Variants in TSPAN15 observed in about 807,000 individuals in gnomAD.
The protein encoded by TSPAN15 is tetraspanin-15.
Under a neutral mutation model 34.5 loss-of-function variants are expected in TSPAN15, and 20 were observed. That is an observed-to-expected ratio of 0.58 (90% CI 0.41 to 0.84). The LOEUF (loss-of-function observed/expected upper bound fraction) is 0.84, where lower values mean the gene tolerates loss of function less well. TSPAN15 is among the 40% of genes least tolerant of loss of function. The pLI is 0.00. For missense variants in TSPAN15, 313 were observed against 386.1 expected (o/e 0.81, Z 1.59); for synonymous variants, 155 against 153.9 (o/e 1.01, Z -0.05).
intron 4 of TSPAN15, among the ~76,000 whole-genome samples, chr10:69,497,445 C>T (rs937614750): frequency 1.3e-5 from 2 of 152,176 alleles, no homozygotes; most frequent in African/African-American, 2.4e-5. Flanking sequence ...TGCGTGGGGC[C>T]TTTGCATGGG....
At chr10:69,489,198 C>T (rs7069412) in intron 3 of TSPAN15, among the ~76,000 whole-genome samples, 1,696 of 152,262 alleles carry the variant, frequency 0.011, 25 homozygotes, top group African/African-American at 0.033. Context: ...CTTGCATGTC[C>T]GTTTATAGGC....
Position 69,489,014 on chromosome 10 carries a change from A to G in TSPAN15, c.357+3799A>G, listed in dbSNP as rs577936248. Among the ~76,000 whole-genome samples the G allele has an allele frequency of 3.3e-5, 5 of 152,300 alleles. No homozygotes were observed. The South Asian group carries it at 8.3e-4, about 25-fold the overall frequency. On this transcript the variant is annotated intron_variant, in intron 3 of 7. Transcript: ENST00000373290. ...AAATTTACCAGGGTGGAGTTTCCCAATCCTGAGGGTACTGCAGGAGACCAG... is the reference window on the plus strand; with the variant it reads ...AAATTTACCAGGGTGGAGTTTCCCAGTCCTGAGGGTACTGCAGGAGACCAG...
At chr10:69,477,692 G>A (rs1354905595) in intron 1 of TSPAN15, among the ~76,000 whole-genome samples, 5 of 152,246 alleles carry the variant, frequency 3.3e-5, no homozygotes, top group East Asian at 1.9e-4. Context: ...CGCTATTGTC[G>A]GCTTTGTATT....
At chr10:69,488,611 T>A (rs1841904759) in intron 3 of TSPAN15, among the ~76,000 whole-genome samples, 1 of 152,052 alleles carries the variant, frequency 6.6e-6, no homozygotes, top group Non-Finnish European at 1.5e-5. Flanking sequence ...AAGAGAGGAA[T>A]TTTACAGCTG....
chr10:69,491,851 C>T lies in TSPAN15; in HGVS notation c.358-3743C>T, dbSNP rs3793838. Among the ~76,000 whole-genome samples, 1,008 of 152,278 alleles carry T rather than the reference C, an allele frequency of 6.6e-3. 11 individuals carry two copies. Among genetic ancestry groups the T allele is most frequent in the East Asian group, 0.021 (109 of 5,174 alleles). Reference sequence around the variant, plus strand: ...CCTGGTAGGAAGCTTTAGCGGCCGCCCCTTCCACTCCTTTTCCTACCCCTC... The same window carrying T: ...CCTGGTAGGAAGCTTTAGCGGCCGCTCCTTCCACTCCTTTTCCTACCCCTC... On this transcript the variant is annotated intron_variant, in intron 3 of 7. Transcript: ENST00000373290.
chr10:69,497,867 G>A (rs2133146201), intron 4 of TSPAN15, among the ~76,000 whole-genome samples: 1 of 152,284 alleles, frequency 6.6e-6, no homozygotes, highest in South Asian at 2.1e-4. Flanking sequence ...CCTAGGGTGG[G>A]TGCGAAGGTT....
intron 3 of TSPAN15, chr10:69,495,077 A>G (rs7094449): frequency 0.056 from 9,278 of 166,274 alleles, 316 homozygotes; most frequent in Middle Eastern, 0.069. Context: ...GACCCCACCC[A>G]GCCTGCTCTG....
chr10:69,452,482 C>G (rs933310688), intron 1 of TSPAN15, among the ~76,000 whole-genome samples: 4 of 152,180 alleles, frequency 2.6e-5, no homozygotes, highest in Admixed American at 2.6e-4. Context: ...TCATTCCTCT[C>G]GGCCATGGTT....
chr10:69,454,127 A>C (rs553069481), intron 1 of TSPAN15, among the ~76,000 whole-genome samples: 119 of 152,250 alleles, frequency 7.8e-4, no homozygotes, highest in Non-Finnish European at 1.2e-3. Context: ...TTGTAAGTCC[A>C]AACTGCTAGC....
chr10:69,506,141 T>A lies in TSPAN15; in HGVS notation c.636T>A (p.Asp212Glu). ...TIDKERFSVQ[D>E]VIYVRGCTNA... ...CCATGCAGCGTTTCAGTGTGCAGGATGTCATCTACGTGCGGGGCTGCACCA... is the reference window on the plus strand; with the variant it reads ...CCATGCAGCGTTTCAGTGTGCAGGAAGTCATCTACGTGCGGGGCTGCACCA... Residue 212 changes from aspartate (D) to glutamate (E), a missense_variant, in exon 7 of 8, where the codon GAT becomes GAA. Asp to Glu is a conservative substitution (Grantham distance 45, BLOSUM62 2). Coordinates refer to ENST00000373290, the MANE Select transcript of TSPAN15 (RefSeq NM_012339.5). This position sits in a 1 kb window ranked among gnomAD's most constrained non-coding sequence, Gnocchi z 4.7. 6.2e-7 allele frequency: 1 copy of A among 1,614,046 alleles called. No homozygotes were observed. The highest frequency in any genetic ancestry group is 1.1e-5 in the South Asian group (1 of 91,078).
At chr10:69,533,302 G>GAT in the TSPAN15 span, among the ~76,000 whole-genome samples, 453 of 151,382 alleles carry the variant, frequency 3.0e-3, 2 homozygotes, top group Non-Finnish European at 3.9e-3. Flanking sequence ...AAGAAACTGT[G>GAT]ATATATATAT....
At chr10:69,493,013 ATGTCGTTCAG>A (rs1352479984) in intron 3 of TSPAN15, among the ~76,000 whole-genome samples, 11 of 152,104 alleles carry the variant, frequency 7.2e-5, no homozygotes, top group Non-Finnish European at 1.0e-4. Flanking sequence ...TCAGCCAATC[ATGTCGTTCAG>A]TGCTGTAAGC....
chr10:69,505,837 AGTT>A (rs1564617731), intron 6 of TSPAN15: 1 of 306,824 alleles, frequency 3.3e-6, no homozygotes, highest in Non-Finnish European at 6.0e-6. Flanking sequence ...CAGGCAGGGC[AGTT>A]GTTTGTGGAG....
At chr10:69,503,687 A>T (rs1842257958) in intron 5 of TSPAN15, among the ~76,000 whole-genome samples, 1 of 152,058 alleles carries the variant, frequency 6.6e-6, no homozygotes, top group East Asian at 1.9e-4. Context: ...CATGTAGAGC[A>T]GCGGGGCTGG....
At chr10:69,486,265 C>T (rs1030387325) in intron 3 of TSPAN15, among the ~76,000 whole-genome samples, 36 of 152,152 alleles carry the variant, frequency 2.4e-4, no homozygotes, top group African/African-American at 8.2e-4. Flanking sequence ...TCCTGCATTG[C>T]TGCCATAGGT....
At chr10:69,489,250 G>A (rs184840405) in intron 3 of TSPAN15, among the ~76,000 whole-genome samples, 3 of 152,236 alleles carry the variant, frequency 2.0e-5, no homozygotes, top group East Asian at 1.9e-4. Flanking sequence ...GCCCAACCCC[G>A]CAGGCAGTCA....
intron 1 of TSPAN15, among the ~76,000 whole-genome samples, chr10:69,455,139 T>A (rs1488589449): frequency 9.8e-5 from 12 of 123,020 alleles, no homozygotes; most frequent in Middle Eastern, 0.01. Context: ...TCCAGCCTGG[T>A]GACAGTCTCA....
intron 3 of TSPAN15, among the ~76,000 whole-genome samples, chr10:69,492,968 G>T (rs1203416646): frequency 6.6e-6 from 1 of 152,176 alleles, no homozygotes; most frequent in African/African-American, 2.4e-5. Flanking sequence ...CTTAGGCAAG[G>T]CCCTGACCCT....
the TSPAN15 span, among the ~76,000 whole-genome samples, chr10:69,541,658 C>T: frequency 1.0e-3 from 156 of 152,384 alleles, no homozygotes; most frequent in African/African-American, 3.7e-3. Context: ...GACATCCAGG[C>T]GTTTCCATAC....
Sources: gnomAD v4.1 joint callset for allele counts (sites outside exome capture counted in the v4.1 genomes callset) on GRCh38, gnomAD v4.1.1 for gene constraint, Gnocchi (gnomAD v3.1) non-coding constraint, MANE v1.5 for transcripts, NCBI Gene and HGNC (gene_info 2026-07-23, HGNC 2026-07-21) for gene names.